The following CSMD3 variants were observed in gnomAD, a reference collection of about 807,000 sequenced individuals.
The protein encoded by CSMD3 is CUB and sushi domain-containing protein 3.
Under a neutral mutation model 435.2 loss-of-function variants are expected in CSMD3, and 177 were observed. The ratio of observed to expected loss-of-function variants is 0.41; its 90% confidence interval spans 0.36 to 0.46. The LOEUF (loss-of-function observed/expected upper bound fraction) is 0.46. Ranked by LOEUF, CSMD3 falls within the 20% of genes least tolerant of loss-of-function variation. The pLI is 0.34. For synonymous variants in CSMD3, 1,656 were observed against 1,520.5 expected, an observed-to-expected ratio of 1.09 and a Z score of -2.07; for missense variants, 4,265 against 4,504.6, an observed-to-expected ratio of 0.95 and a Z score of 1.52.
intron 16 of CSMD3, among the ~76,000 whole-genome samples, chr8:112,673,955 T>G (rs1359986591): frequency 6.6e-6 from 1 of 152,030 alleles, no homozygotes; most frequent in Non-Finnish European, 1.5e-5. Context: ...TTTTTCTAAT[T>G]ACTGCCTTAA....
chr8:112,426,304 T>A (rs530511227), intron 32 of CSMD3, among the ~76,000 whole-genome samples: 1 of 152,226 alleles, frequency 6.6e-6, no homozygotes, highest in South Asian at 2.1e-4. Flanking sequence ...TTGGTATTGA[T>A]TGTGAACCTT....
At chr8:113,150,592 C>T (rs1229078811) in intron 4 of CSMD3, among the ~76,000 whole-genome samples, 1 of 151,938 alleles carries the variant, frequency 6.6e-6, no homozygotes, top group Admixed American at 6.6e-5. Context: ...CCTACAGACA[C>T]TATGAGATAA....
At chr8:113,170,300 A>T (rs200410537) in intron 4 of CSMD3, among the ~76,000 whole-genome samples, 1 of 148,186 alleles carries the variant, frequency 6.7e-6, no homozygotes, top group Non-Finnish European at 1.5e-5. Context: ...AATGAAAAAA[A>T]TTGGTTAGTG....
intron 6 of CSMD3, among the ~76,000 whole-genome samples, chr8:112,994,657 T>C (rs2085578447): frequency 6.6e-6 from 1 of 151,588 alleles, no homozygotes. Context: ...ACAAATTTCA[T>C]GGATTTGTCT....
At chr8:112,966,447 T>A (rs1415653117) in intron 7 of CSMD3, among the ~76,000 whole-genome samples, 2 of 151,558 alleles carry the variant, frequency 1.3e-5, no homozygotes, top group Non-Finnish European at 1.5e-5. Context: ...CTTTTCTTTT[T>A]TCTCTTTATT....
Position 112,314,580 on chromosome 8 carries a change from A to C in CSMD3, c.7398T>G (p.Thr2466=). Residue 2466 remains threonine, a synonymous_variant, in exon 48 of 71, where the codon ACT becomes ACG. Coordinates refer to ENST00000297405, the MANE Select transcript of CSMD3 (RefSeq NM_198123.2). Reference sequence around the variant, plus strand: ...GATATCCAGGGCTCAATATGACTCCAGTAGAATCTAGCCGTAATTCATTGG... The same window carrying C: ...GATATCCAGGGCTCAATATGACTCCCGTAGAATCTAGCCGTAATTCATTGG... ...CPANELRLDS[T]GVILSPGYPD... 6.2e-7 allele frequency: 1 copy of C among 1,612,786 alleles called. No homozygotes were observed. Among genetic ancestry groups the C allele is most frequent in the Non-Finnish European group, 8.5e-7 (1 of 1,179,004 alleles).
At chr8:112,638,232 A>T (rs970567124) in intron 21 of CSMD3, among the ~76,000 whole-genome samples, 1 of 148,850 alleles carries the variant, frequency 6.7e-6, no homozygotes, top group African/African-American at 2.4e-5. Flanking sequence ...TTATTAATTA[A>T]TTAAGATCAT....
rs2130676111 is a variant in CSMD3 at position 112,291,534 on chromosome 8, C to T, written c.8950G>A (p.Asp2984Asn). 1 of 1,610,022 alleles carries T rather than the reference C, an allele frequency of 6.2e-7. No individual in the cohort carries two copies. Among genetic ancestry groups the T allele is most frequent in the Non-Finnish European group, 8.5e-7 (1 of 1,177,002 alleles). Reference sequence around the variant, plus strand: ...CTGATACATTCTGGTAAAGGTTTGTCCCATTGTCCATTTGGTTGACATATC... The same window carrying T: ...CTGATACATTCTGGTAAAGGTTTGTTCCATTGTCCATTTGGTTGACATATC... ...VLICQPNGQW[D>N]KPLPECIMID... The change falls in exon 56 of 71, where the codon GAC becomes AAC. Residue 2984 changes from aspartate to asparagine, a missense_variant. This residue lies in a region of CSMD3 where 3,255 missense variants were observed against 3,380.2 expected (regional missense o/e 0.96). Coordinates refer to ENST00000297405, the MANE Select transcript of CSMD3 (RefSeq NM_198123.2).
rs1017347492 is a variant in CSMD3 at position 112,223,582 on chromosome 8, T to C, written c.*1189A>G. ...GAAAGAAACCTCTTGTATGTGAAAC[T>C]TGGTGTTTAACAATAAAGGTACAGA... is the stretch of plus-strand genomic sequence containing the variant. On this transcript the variant is annotated 3_prime_UTR_variant, in exon 71 of 71. Transcript: ENST00000297405. 2 of 152,618 alleles carry C rather than the reference T, an allele frequency of 1.3e-5. No homozygotes were observed. The highest frequency in any genetic ancestry group is 4.8e-5 in the African/African-American group (2 of 41,460). 9.5% of individuals were successfully genotyped at this position (152,618 alleles called of 1,614,324 possible).
chr8:112,942,668 C>T (rs1474770013), intron 9 of CSMD3, among the ~76,000 whole-genome samples: 3 of 151,608 alleles, frequency 2.0e-5, no homozygotes, highest in African/African-American at 4.8e-5. Context: ...ATTGAGTACA[C>T]GTGGACACAA....
At chr8:112,454,348 A>T (rs1386199876) in intron 32 of CSMD3, among the ~76,000 whole-genome samples, 1 of 152,150 alleles carries the variant, frequency 6.6e-6, no homozygotes. Context: ...GGGAAAAAAT[A>T]TTCACAAACC....
intron 12 of CSMD3, among the ~76,000 whole-genome samples, chr8:112,822,966 G>A (rs1474805826): frequency 6.6e-6 from 1 of 152,174 alleles, no homozygotes; most frequent in Non-Finnish European, 1.5e-5. Context: ...GACCAGCCTT[G>A]TATCCCGGGG....
intron 13 of CSMD3, among the ~76,000 whole-genome samples, chr8:112,708,770 G>C (rs1397748705): frequency 6.7e-6 from 1 of 149,534 alleles, no homozygotes; most frequent in East Asian, 2.0e-4. Flanking sequence ...CACAACCTCT[G>C]CAACAATCGA....
At chr8:113,050,169 T>C (rs2088025898) in intron 5 of CSMD3, among the ~76,000 whole-genome samples, 1 of 152,096 alleles carries the variant, frequency 6.6e-6, no homozygotes, top group African/African-American at 2.4e-5. Flanking sequence ...TTAGAAGGCA[T>C]AGATCTGAGT....
chr8:112,400,065 G>A (rs1237631068), intron 35 of CSMD3, among the ~76,000 whole-genome samples: 3 of 152,216 alleles, frequency 2.0e-5, no homozygotes, highest in South Asian at 2.1e-4. Context: ...TTTTGTTACA[G>A]TAGCACCCCA....
chr8:113,075,737 A>T (rs2089308668), intron 5 of CSMD3, among the ~76,000 whole-genome samples: 1 of 151,908 alleles, frequency 6.6e-6, no homozygotes. Flanking sequence ...CAATATTATT[A>T]GAACACTTCA....
At chr8:112,607,673 T>C (rs1563762605) in intron 22 of CSMD3, among the ~76,000 whole-genome samples, 1 of 152,146 alleles carries the variant, frequency 6.6e-6, no homozygotes, top group Non-Finnish European at 1.5e-5. Flanking sequence ...CAGATACTAA[T>C]AAACATGATA....
At chr8:112,740,255 T>C (rs2077274367) in intron 13 of CSMD3, among the ~76,000 whole-genome samples, 2 of 151,842 alleles carry the variant, frequency 1.3e-5, no homozygotes, top group African/African-American at 2.4e-5. Context: ...ACATATTTTA[T>C]TTCCATTTCT....
rs1340568905 is a variant in CSMD3 at position 113,154,071 on chromosome 8, T to A, written c.709+19651A>T. 3.9e-5 allele frequency among the ~76,000 whole-genome samples: 6 copies of A among 152,094 alleles called. No individual in the cohort carries two copies. The South Asian group carries it at 6.2e-4, about 16-fold the overall frequency. ...TTATATACTTTGATGCCAATTACTC[T>A]GTATAGTTCTTTTTTATTTGGACCT... On this transcript the variant is annotated intron_variant, in intron 4 of 70. Coordinates refer to ENST00000297405, the MANE Select transcript of CSMD3 (RefSeq NM_198123.2).
Sources: gnomAD v4.1 joint callset for allele counts (sites outside exome capture counted in the v4.1 genomes callset) on GRCh38, gnomAD v4.1.1 for gene constraint, gnomAD v4.1.1 regional missense constraint, MANE v1.5 for transcripts, NCBI Gene and HGNC (gene_info 2026-07-23, HGNC 2026-07-21) for gene names.